The following LARP4B variants were observed in gnomAD, a reference collection of about 807,000 sequenced individuals.
LARP4B encodes the protein La ribonucleoprotein 4B.
LARP4B carries 12 observed loss-of-function variants against 89.8 expected under a neutral mutation model. That is an observed-to-expected ratio of 0.13 (90% CI 0.09 to 0.22). LARP4B has a LOEUF of 0.22. LARP4B is among the 10% of genes least tolerant of loss of function. The pLI is 1.00. For synonymous variants in LARP4B, 367 were observed against 363.3 expected (o/e 1.01, Z -0.12); for missense variants, 757 against 947.7 (o/e 0.80, Z 2.64).
chr10:888,967 C>A (rs906392918), intron 1 of LARP4B, among the ~76,000 whole-genome samples: 12 of 152,156 alleles, frequency 7.9e-5, no homozygotes, highest in Non-Finnish European at 1.8e-4. Context: ...TGCCTGTAGT[C>A]CCAGCTCCTT....
chr10:978,729 T>C, the LARP4B span, among the ~76,000 whole-genome samples: 1 of 152,252 alleles, frequency 6.6e-6, no homozygotes, highest in Non-Finnish European at 1.5e-5. Context: ...GATATTACTA[T>C]TGTTTTTTAT....
the LARP4B span, among the ~76,000 whole-genome samples, chr10:948,961 C>T: frequency 6.6e-6 from 1 of 152,246 alleles, no homozygotes; most frequent in East Asian, 1.9e-4. Context: ...CTACGAACAG[C>T]TGTGTACCAG....
At chr10:886,414 T>C (rs538072269) in intron 1 of LARP4B, among the ~76,000 whole-genome samples, 3 of 152,172 alleles carry the variant, frequency 2.0e-5, no homozygotes, top group African/African-American at 7.2e-5. Context: ...GCTCAAAAAT[T>C]TGAAAATAGA....
At chr10:840,549 T>C (rs1833473445) in intron 7 of LARP4B, among the ~76,000 whole-genome samples, 1 of 152,242 alleles carries the variant, frequency 6.6e-6, no homozygotes, top group Middle Eastern at 3.2e-3. Flanking sequence ...ACTCACTGTG[T>C]GTATATAACA....
intron 1 of LARP4B, among the ~76,000 whole-genome samples, chr10:907,156 T>C (rs1313134428): frequency 6.6e-6 from 1 of 152,214 alleles, no homozygotes; most frequent in Non-Finnish European, 1.5e-5. Context: ...AAAAGTTTTA[T>C]CACTCGGAGG....
chr10:893,534 C>T (rs1479060212), intron 1 of LARP4B, among the ~76,000 whole-genome samples: 1 of 152,194 alleles, frequency 6.6e-6, no homozygotes, highest in Non-Finnish European at 1.5e-5. Context: ...TATCCTTTTC[C>T]TATTCTGGGC....
rs1255782745 is a variant in LARP4B at position 881,774 on chromosome 10, G to C, written c.141+2673C>G. Among the ~76,000 whole-genome samples the C allele has an allele frequency of 2.6e-5, 4 of 152,186 alleles. No homozygotes were observed. In the East Asian group the frequency reaches 7.7e-4, roughly 29 times the overall value. The stretch of plus-strand genomic sequence containing the variant: ...ACGTCTCAGTGCCTCCCACCTCCAG[G>C]TGTACGCTCATCTTGTACCTAAGGC... On this transcript the variant is annotated intron_variant, in intron 3 of 17. Transcript: ENST00000316157.
chr10:930,795 C>G (rs1837277963), intron 1 of LARP4B, among the ~76,000 whole-genome samples: 1 of 152,192 alleles, frequency 6.6e-6, no homozygotes, highest in African/African-American at 2.4e-5. Flanking sequence ...GCAACAGGAT[C>G]CCAACTTCCT....
upstream of LARP4B, among the ~76,000 whole-genome samples, chr10:934,640 T>C (rs1035805456): frequency 4.6e-5 from 7 of 152,168 alleles, no homozygotes; most frequent in Non-Finnish European, 7.3e-5. Context: ...GAAACATCCA[T>C]TTTCACCTTG....
intron 1 of LARP4B, among the ~76,000 whole-genome samples, chr10:895,023 T>C (rs568238843): frequency 3.9e-4 from 60 of 152,116 alleles, no homozygotes; most frequent in African/African-American, 1.4e-3. Flanking sequence ...CTGTCTCTAC[T>C]AAAATACAAA....
chr10:974,868 C>T, the LARP4B span, among the ~76,000 whole-genome samples: 1 of 152,258 alleles, frequency 6.6e-6, no homozygotes, highest in Non-Finnish European at 1.5e-5. Flanking sequence ...TGCACAGACG[C>T]TCAAGCCTCC....
intron 3 of LARP4B, among the ~76,000 whole-genome samples, chr10:867,817 T>G (rs930033988): frequency 7.6e-6 from 1 of 131,702 alleles, no homozygotes; most frequent in African/African-American, 3.0e-5. Context: ...GCTGAGATAG[T>G]ACCACTGCCC....
In LARP4B at chr10:814,528, A is replaced by G; in HGVS notation, c.1929+214T>C. 1 of 1,016,558 alleles carries G rather than the reference A, an allele frequency of 9.8e-7. No individual in the cohort carries two copies. The highest frequency in any genetic ancestry group is 1.5e-6 in the Non-Finnish European group (1 of 680,694). The allele number at this position is 1,016,558 out of a possible 1,614,324, so 63.0% of individuals were successfully genotyped here. A position where few individuals can be genotyped will look rare whatever the true frequency, so the allele number is the denominator to read the frequency against. ...TGACCAACACTGAAATAAAAGGACT[A>G]CATGGTGGTCTGAGAAAGAACTAGA... On this transcript the variant is annotated intron_variant, in intron 17 of 17. Coordinates refer to ENST00000316157, the MANE Select transcript of LARP4B (RefSeq NM_015155.3). This position sits in a 1 kb window ranked among gnomAD's most constrained non-coding sequence, Gnocchi z 4.4.
intron 1 of LARP4B, among the ~76,000 whole-genome samples, chr10:909,722 T>C (rs1588982568): frequency 6.6e-6 from 1 of 151,742 alleles, no homozygotes; most frequent in Admixed American, 6.6e-5. Flanking sequence ...GAAGCGGAGG[T>C]TGCAGTGAGC....
the LARP4B span, among the ~76,000 whole-genome samples, chr10:977,103 G>C: frequency 4.6e-5 from 7 of 152,280 alleles, no homozygotes; most frequent in South Asian, 1.4e-3. Flanking sequence ...AAATCAGTGA[G>C]TCTACCATAA....
chr10:823,884 C>T (rs1423870195), intron 13 of LARP4B, among the ~76,000 whole-genome samples: 1 of 152,168 alleles, frequency 6.6e-6, no homozygotes, highest in Non-Finnish European at 1.5e-5. Context: ...GAGACACAGG[C>T]CAGTGCCAGC....
intron 1 of LARP4B, among the ~76,000 whole-genome samples, chr10:917,957 C>G (rs1836869750): frequency 6.6e-6 from 1 of 152,142 alleles, no homozygotes; most frequent in Non-Finnish European, 1.5e-5. Flanking sequence ...CATAAGAAAA[C>G]TATAGTACCC....
At chr10:906,977 G>A (rs531895732) in intron 1 of LARP4B, among the ~76,000 whole-genome samples, 19 of 152,246 alleles carry the variant, frequency 1.2e-4, no homozygotes, top group Non-Finnish European at 1.2e-4. Context: ...CGAGGGACTC[G>A]CAACTGAAAC....
At chr10:965,462 G>A in the LARP4B span, among the ~76,000 whole-genome samples, 1 of 152,004 alleles carries the variant, frequency 6.6e-6, no homozygotes, top group Non-Finnish European at 1.5e-5. Context: ...TACACAATTC[G>A]AAGGCGATCC....
Sources: gnomAD v4.1 joint callset for allele counts (sites outside exome capture counted in the v4.1 genomes callset) on GRCh38, gnomAD v4.1.1 for gene constraint, Gnocchi (gnomAD v3.1) non-coding constraint, MANE v1.5 for transcripts, NCBI Gene and HGNC (gene_info 2026-07-23, HGNC 2026-07-21) for gene names.